The following MANSC4 variants were observed in gnomAD, a reference collection of about 807,000 sequenced individuals.
The protein encoded by MANSC4 is MANSC domain-containing protein 4.
Under a neutral mutation model 11.4 loss-of-function variants are expected in MANSC4, and 11 were observed. The ratio of observed to expected loss-of-function variants is 0.97; its 90% CI spans 0.61 to 1.60. The LOEUF is 1.60. Among genes scored for constraint, MANSC4 ranks in the 40% most tolerant of loss-of-function variants. The probability of loss-of-function intolerance (pLI) is 0.00; values close to 1 mark genes in which losing one functional copy is unlikely to be tolerated. For synonymous variants in MANSC4, 123 were observed against 147.1 expected (o/e 0.84, Z 1.19); for missense variants, 354 against 404.6 (o/e 0.88, Z 1.07).
At chr12:27,766,405 T>G (rs2062072590) in intron 3 of MANSC4, among the ~76,000 whole-genome samples, 2 of 152,144 alleles carry the variant, frequency 1.3e-5, no homozygotes, top group African/African-American at 2.4e-5. Context: ...GTTCTTGAGA[T>G]TCATGAAATA....
At chr12:27,768,566 A>G (rs2062084850) in intron 2 of MANSC4, among the ~76,000 whole-genome samples, 1 of 152,064 alleles carries the variant, frequency 6.6e-6, no homozygotes, top group African/African-American at 2.4e-5. Context: ...CAAAAGTGCA[A>G]CATAGATTCT....
chr12:27,765,222 G>A (rs1246907339), intron 3 of MANSC4, among the ~76,000 whole-genome samples: 1 of 152,036 alleles, frequency 6.6e-6, no homozygotes, highest in East Asian at 1.9e-4. Context: ...CCAATGCTCT[G>A]GTAATTATCC....
intron 2 of MANSC4, among the ~76,000 whole-genome samples, chr12:27,767,275 A>G (rs1176587631): frequency 6.6e-6 from 1 of 152,164 alleles, no homozygotes; most frequent in East Asian, 1.9e-4. Flanking sequence ...CCAGCCAGAA[A>G]ATGCCTTTTT....
intron 2 of MANSC4, among the ~76,000 whole-genome samples, chr12:27,770,361 A>G (rs1033826011): frequency 6.6e-6 from 1 of 152,104 alleles, no homozygotes; most frequent in Non-Finnish European, 1.5e-5. Context: ...TTGTATTTTT[A>G]GTAGAGAGGG....
Position 27,780,187 on chromosome 12 carries a change from G to C in MANSC4, c.-307+23C>G, listed in dbSNP as rs576671563. On this transcript the variant is annotated intron_variant, in intron 1 of 3. Transcript: ENST00000381273. This position sits in a 1 kb window ranked among gnomAD's most constrained non-coding sequence, Gnocchi z 8.8. ...GGGAGGAGGGGCCGCCGGAGAGGCC[G>C]GGCGAGCGCGGGCGGCCCTCACCTC... is the stretch of plus-strand genomic sequence containing the variant. The C allele has an allele frequency of 4.0e-6, 2 of 503,276 alleles. No homozygotes were observed. Among genetic ancestry groups the C allele is most frequent in the East Asian group, 5.4e-5 (1 of 18,480 alleles). The allele number at this position is 503,276 out of a possible 1,614,324, so 31.2% of individuals were successfully genotyped here. A position where few individuals can be genotyped will look rare whatever the true frequency, so the allele number is the denominator to read the frequency against.
At chr12:27,773,732 C>T (rs2062108884) in intron 1 of MANSC4, among the ~76,000 whole-genome samples, 1 of 152,146 alleles carries the variant, frequency 6.6e-6, no homozygotes. Context: ...GGAACTTTTA[C>T]CTAAACAACG....
intron 2 of MANSC4, among the ~76,000 whole-genome samples, chr12:27,770,184 TGAGAGA>T (rs368183852): frequency 6.9e-6 from 1 of 144,794 alleles, no homozygotes; most frequent in Admixed American, 6.8e-5. Context: ...TGTTTGTGTG[TGAGAGA>T]GAGAGAGAGA....
At chr12:27,775,023 CAAAATAAATAAATAAATAAATAAA>C (rs1471435967) in intron 1 of MANSC4, among the ~76,000 whole-genome samples, 8 of 132,918 alleles carry the variant, frequency 6.0e-5, no homozygotes, top group East Asian at 4.3e-4. Flanking sequence ...GATTCCGTCT[CAAAATAAATAAATAAATAAATAAA>C]TAAATAAATA....
rs370183865 is a variant in MANSC4 at position 27,766,653 on chromosome 12, T to C, written c.364+12A>G. 1 of 1,549,328 alleles carries C rather than the reference T, an allele frequency of 6.5e-7. No homozygotes were observed. The highest frequency in any genetic ancestry group is 8.7e-7 in the Non-Finnish European group (1 of 1,146,338). On this transcript the variant is annotated intron_variant, in intron 3 of 3. Coordinates refer to ENST00000381273, the MANE Select transcript of MANSC4 (RefSeq NM_001146221.5). The stretch of plus-strand genomic sequence containing the variant: ...AGCATTCTTTTAAAGTCTTGAAATA[T>C]GTAATCATTACCGTCTGTTATGTTG...
chr12:27,765,000 C>T lies in MANSC4; in HGVS notation c.365-1604G>A, dbSNP rs531052341. Among the ~76,000 whole-genome samples, 398 of 151,848 alleles carry T rather than the reference C, an allele frequency of 2.6e-3. 2 individuals carry two copies. Among genetic ancestry groups the T allele is most frequent in the African/African-American group, 9.2e-3 (382 of 41,398 alleles). On this transcript the variant is annotated intron_variant, in intron 3 of 3. Transcript: ENST00000381273. The stretch of plus-strand genomic sequence containing the variant: ...CCAACCACAGGCACACACCACCTTG[C>T]CTGGCTAATTTTTTTTGTAGAGATG...
chr12:27,778,961 CG>C (rs777714612), intron 1 of MANSC4, among the ~76,000 whole-genome samples: 2 of 152,192 alleles, frequency 1.3e-5, no homozygotes, highest in Non-Finnish European at 2.9e-5. Flanking sequence ...CTCCGCCTCC[CG>C]GGTTCCAGCA....
chr12:27,764,840 A>C (rs954774599), intron 3 of MANSC4, among the ~76,000 whole-genome samples: 2 of 151,928 alleles, frequency 1.3e-5, no homozygotes, highest in Admixed American at 1.3e-4. Flanking sequence ...ACTGAAATCT[A>C]CACTGTAAGG....
intron 2 of MANSC4, among the ~76,000 whole-genome samples, chr12:27,767,686 A>C (rs1465333710): frequency 6.6e-6 from 1 of 152,066 alleles, no homozygotes; most frequent in East Asian, 1.9e-4. Context: ...AACAAGAGCG[A>C]AACTCCGTCT....
intron 1 of MANSC4, among the ~76,000 whole-genome samples, chr12:27,774,070 C>T (rs1591810832): frequency 1.3e-5 from 2 of 152,116 alleles, no homozygotes; most frequent in East Asian, 3.9e-4. Flanking sequence ...ATCACTTGAA[C>T]CTGGGCAGCA....
In MANSC4 at chr12:27,762,954, G is replaced by T. The variant is rs1467289932; in HGVS notation, c.807C>A (p.Asn269Lys). ...CCTCATCTTCATTTGCAGATGTGTG[G>T]TTTCTGCTATTGTATCCTTTGGTTT... ...LNKTKGYNSR[N>K]HTSANEDEVS... is the part of the protein sequence containing the mutation. Residue 269 changes from asparagine (N) to lysine (K), a missense_variant, in exon 4 of 4, where the codon AAC becomes AAA. Coordinates refer to ENST00000381273, the MANE Select transcript of MANSC4 (RefSeq NM_001146221.5). The T allele has an allele frequency of 6.4e-7, 1 of 1,551,838 alleles. No individual in the cohort carries two copies. The highest frequency in any genetic ancestry group is 2.4e-5 in the East Asian group (1 of 40,920).
At chr12:27,769,721 C>A (rs764966530) in intron 2 of MANSC4, among the ~76,000 whole-genome samples, 27 of 152,152 alleles carry the variant, frequency 1.8e-4, no homozygotes, top group Non-Finnish European at 3.7e-4. Flanking sequence ...CATAATCTTA[C>A]ATACACAAAA....
chr12:27,769,963 G>T lies in MANSC4; in HGVS notation c.229+1085C>A, dbSNP rs35466332. Among the ~76,000 whole-genome samples the T allele has an allele frequency of 9.7e-3, 1,474 of 152,218 alleles. 18 individuals carry two copies. The highest frequency in any genetic ancestry group is 0.024 in the Middle Eastern group (7 of 294). ...ATAAAATAAACATTCTTAATTGCAG[G>T]TCTTGATCATATTATATGGATGAAG... is the stretch of plus-strand genomic sequence containing the variant. On this transcript the variant is annotated intron_variant, in intron 2 of 3. Transcript: ENST00000381273.
rs1027770512 is a variant in MANSC4 at position 27,771,268 on chromosome 12, C to T, written c.9G>A (p.Val3=). Residue 3 remains valine, a synonymous_variant, in exon 2 of 4, where the codon GTG becomes GTA. Transcript: ENST00000381273. MH[V]AEVAVNVILL... is the part of the protein sequence containing the mutation. The stretch of plus-strand genomic sequence containing the variant: ...ATATCACGTTCACTGCTACCTCTGC[C>T]ACATGCATTTTTCCTGTATGAAGGA... The T allele has an allele frequency of 9.5e-5, 147 of 1,550,066 alleles. No individual in the cohort carries two copies. In the Admixed American group the frequency reaches 2.8e-3, roughly 30 times the overall value.
intron 2 of MANSC4, among the ~76,000 whole-genome samples, chr12:27,769,908 T>C (rs941457110): frequency 2.0e-5 from 3 of 152,204 alleles, no homozygotes; most frequent in African/African-American, 7.2e-5. Context: ...AAGAAGTCTT[T>C]AGGCAATTAT....
Sources: gnomAD v4.1 joint callset for allele counts (sites outside exome capture counted in the v4.1 genomes callset) on GRCh38, gnomAD v4.1.1 for gene constraint, Gnocchi (gnomAD v3.1) non-coding constraint, MANE v1.5 for transcripts, NCBI Gene and HGNC (gene_info 2026-07-23, HGNC 2026-07-21) for gene names.